KAZN: variants seen among roughly 807,000 people sequenced by gnomAD.
KAZN encodes the protein kazrin.
In KAZN, 40 loss-of-function variants were observed where a neutral mutation model predicts 87.4. The observed-to-expected ratio is 0.46, with a 90% CI of 0.36 to 0.60. The LOEUF (loss-of-function observed/expected upper bound fraction) is 0.60. KAZN is among the 20% of genes least tolerant of loss of function. KAZN has a pLI of 0.00. For synonymous variants in KAZN, 466 were observed against 458.3 expected, an observed-to-expected ratio of 1.02 and a Z score of -0.22; for missense variants, 898 against 1,073.9, an observed-to-expected ratio of 0.84 and a Z score of 2.29.
rs146019718 is a variant in KAZN at position 13,930,924 on chromosome 1, T to A, written c.91+37168T>A. ...GACCCCTCTTGGCCTGTCAAGATAATGCCCACAGATCTGCCCCATGGCCTT... is the reference window on the plus strand; with the variant it reads ...GACCCCTCTTGGCCTGTCAAGATAAAGCCCACAGATCTGCCCCATGGCCTT... On this transcript the variant is annotated intron_variant, in intron 1 of 16. Coordinates refer to the KAZN transcript ENST00000636203. 1.1e-3 allele frequency among the ~76,000 whole-genome samples: 173 copies of A among 152,290 alleles called. 1 individual carries two copies. The highest frequency in any genetic ancestry group is 0.01 in the East Asian group (54 of 5,164).
chr1:14,826,242 G>T (rs1258037424), intron 1 of KAZN, among the ~76,000 whole-genome samples: 1 of 152,244 alleles, frequency 6.6e-6, no homozygotes, highest in South Asian at 2.1e-4. Flanking sequence ...AGGGAAAGAA[G>T]GGAAAATTTC....
chr1:14,275,882 A>T (rs1652305006), intron 2 of KAZN, among the ~76,000 whole-genome samples: 1 of 152,202 alleles, frequency 6.6e-6, no homozygotes, highest in Non-Finnish European at 1.5e-5. Context: ...AAGCAAGCTT[A>T]TCAGGGCATA....
At chr1:14,755,003 C>T (rs1353317470) in intron 1 of KAZN, among the ~76,000 whole-genome samples, 2 of 150,144 alleles carry the variant, frequency 1.3e-5, no homozygotes, top group Admixed American at 6.7e-5. Flanking sequence ...GCACTGTGAG[C>T]GGCCAAGGCG....
At chr1:14,823,208 A>G (rs1646786551) in intron 1 of KAZN, among the ~76,000 whole-genome samples, 1 of 152,110 alleles carries the variant, frequency 6.6e-6, no homozygotes, top group South Asian at 2.1e-4. Context: ...CCTAATTCCT[A>G]GGAGAGAGAA....
chr1:14,209,359 G>T (rs1158478898), intron 2 of KAZN, among the ~76,000 whole-genome samples: 1 of 152,168 alleles, frequency 6.6e-6, no homozygotes, highest in African/African-American at 2.4e-5. Flanking sequence ...AGGCCTGGAG[G>T]TCCCTCCACG....
chr1:15,078,784 G>A (rs1639869579), intron 8 of KAZN, among the ~76,000 whole-genome samples: 1 of 152,152 alleles, frequency 6.6e-6, no homozygotes, highest in African/African-American at 2.4e-5. Flanking sequence ...GTTTCATGAG[G>A]CATGATTGGA....
At chr1:14,762,770 G>T (rs1266559737) in intron 1 of KAZN, among the ~76,000 whole-genome samples, 3 of 152,016 alleles carry the variant, frequency 2.0e-5, no homozygotes, top group African/African-American at 7.2e-5. Flanking sequence ...AGTTCAGATG[G>T]CTTCTCCACC....
At chr1:14,850,338 C>T (rs976748559) in intron 1 of KAZN, among the ~76,000 whole-genome samples, 6 of 152,194 alleles carry the variant, frequency 3.9e-5, no homozygotes, top group African/African-American at 7.2e-5. Context: ...TGGCATTCTA[C>T]TAACCCAAGT....
At chr1:13,905,949 T>C (rs1639421067) in intron 1 of KAZN, among the ~76,000 whole-genome samples, 1 of 152,210 alleles carries the variant, frequency 6.6e-6, no homozygotes, top group South Asian at 2.1e-4. Context: ...GAGTTCCTTC[T>C]GGGAGCGCCA....
intron 1 of KAZN, among the ~76,000 whole-genome samples, chr1:14,757,790 T>A (rs1644609870): frequency 6.6e-6 from 1 of 152,218 alleles, no homozygotes; most frequent in Non-Finnish European, 1.5e-5. Flanking sequence ...GAGCACCTTC[T>A]ACATCTTGCG....
At chr1:14,883,512 G>A (rs924529545) in intron 1 of KAZN, among the ~76,000 whole-genome samples, 3 of 146,794 alleles carry the variant, frequency 2.0e-5, no homozygotes, top group Admixed American at 2.0e-4. Flanking sequence ...CTTTTTCAAA[G>A]GTGAGACCCT....
At chr1:13,993,802 C>A (rs149540494) in intron 1 of KAZN, among the ~76,000 whole-genome samples, 2,448 of 152,210 alleles carry the variant, frequency 0.016, 32 homozygotes, top group Middle Eastern at 0.031. Context: ...GGGCATGGGG[C>A]CACCTCAGAG....
chr1:14,346,108 C>T (rs780140619), intron 2 of KAZN, among the ~76,000 whole-genome samples: 1 of 152,192 alleles, frequency 6.6e-6, no homozygotes, highest in Non-Finnish European at 1.5e-5. Flanking sequence ...GGAGTGGCCA[C>T]ACATCAGGCA....
At chr1:14,706,228 T>C (rs1041551438) in intron 1 of KAZN, among the ~76,000 whole-genome samples, 3 of 152,168 alleles carry the variant, frequency 2.0e-5, no homozygotes, top group Non-Finnish European at 2.9e-5. Flanking sequence ...ATTGATTCTA[T>C]ATTATGGTGA....
At chr1:14,575,071 C>A (rs371080027) in intron 2 of KAZN, among the ~76,000 whole-genome samples, 1 of 152,124 alleles carries the variant, frequency 6.6e-6, no homozygotes, top group African/African-American at 2.4e-5. Flanking sequence ...TTATTTCACA[C>A]GAAGGAATTT....
intron 8 of KAZN, among the ~76,000 whole-genome samples, chr1:15,072,184 T>C (rs974575893): frequency 6.6e-6 from 1 of 152,044 alleles, no homozygotes; most frequent in South Asian, 2.1e-4. Context: ...GGTTCAGAAA[T>C]GAGAACTGAA....
At chr1:14,488,457 T>TA (rs1669468815) in intron 2 of KAZN, among the ~76,000 whole-genome samples, 1 of 152,212 alleles carries the variant, frequency 6.6e-6, no homozygotes, top group African/African-American at 2.4e-5. Flanking sequence ...ATCCTGGTTC[T>TA]ACCATGTGCT....
In KAZN at chr1:14,515,790, A is replaced by G. The variant is rs140155710; in HGVS notation, c.250-83193A>G. 6.2e-3 allele frequency among the ~76,000 whole-genome samples: 949 copies of G among 152,106 alleles called. 12 individuals carry two copies. The highest frequency in any genetic ancestry group is 0.022 in the African/African-American group (910 of 41,498). ...ACCACCAGCCGTTTTATAACCTATC[A>G]GTCTGCTTGGTTTTCTTCATGGCTC... On this transcript the variant is annotated intron_variant, in intron 2 of 16. Coordinates refer to the KAZN transcript ENST00000636203.
intron 2 of KAZN, among the ~76,000 whole-genome samples, chr1:14,548,749 A>T (rs1673326373): frequency 6.6e-6 from 1 of 150,784 alleles, no homozygotes; most frequent in African/African-American, 2.4e-5. Flanking sequence ...CTTGCTGAGA[A>T]TATTCTCTTT....
Sources: gnomAD v4.1 joint callset for allele counts (sites outside exome capture counted in the v4.1 genomes callset) on GRCh38, gnomAD v4.1.1 for gene constraint, MANE v1.5 for transcripts, NCBI Gene and HGNC (gene_info 2026-07-23, HGNC 2026-07-21) for gene names.